The following NDUFA5 variants were observed in gnomAD, a reference collection of about 807,000 sequenced individuals.
NDUFA5 encodes the protein NADH dehydrogenase [ubiquinone] 1 alpha subcomplex subunit 5.
Under a neutral mutation model 19.8 loss-of-function variants are expected in NDUFA5, and 11 were observed. That is an observed-to-expected ratio of 0.56 (90% CI 0.35 to 0.92). The LOEUF (loss-of-function observed/expected upper bound fraction) is 0.92. Among genes scored for constraint, NDUFA5 ranks in the 40% least tolerant of loss-of-function variants. The probability of loss-of-function intolerance (pLI) is 0.01; values close to 1 mark genes in which losing one functional copy is unlikely to be tolerated. For synonymous variants in NDUFA5, 47 were observed against 46.8 expected (o/e 1.00, Z -0.01); for missense variants, 109 against 134.2 (o/e 0.81, Z 0.93).
chr7:123,542,214 G>C lies in NDUFA5; in HGVS notation c.256C>G (p.His86Asp), dbSNP rs1173678892. The change falls in exon 5 of 5, where the codon CAT (histidine) becomes GAT (aspartate). Residue 86 changes from histidine (H) to aspartate (D), a missense_variant. Physicochemically the swap from His to Asp is moderately conservative, Grantham distance 81 (BLOSUM62 -1). Coordinates refer to ENST00000355749, the MANE Select transcript of NDUFA5 (RefSeq NM_005000.5). ...ATTTTTCTTGCCAGATTTAGTTCAT[G>C]TTCAGCCTGTTAATACAAATTTTTT... ...QLEEVILQAE[H>D]ELNLARKMRE... is the part of the protein sequence containing the mutation. The C allele has an allele frequency of 1.2e-6, 2 of 1,608,506 alleles. No homozygotes were observed. The highest frequency in any genetic ancestry group is 1.7e-6 in the Non-Finnish European group (2 of 1,177,642).
At chr7:123,564,892 GAC>G in the NDUFA5 span, among the ~76,000 whole-genome samples, 14,170 of 147,596 alleles carry the variant, frequency 0.096, 712 homozygotes, top group Middle Eastern at 0.13. Flanking sequence ...GAAGCATCTG[GAC>G]ACACACACAC....
chr7:123,590,287 T>C, the NDUFA5 span, among the ~76,000 whole-genome samples: 1 of 152,202 alleles, frequency 6.6e-6, no homozygotes, highest in South Asian at 2.1e-4. Context: ...TTCACTCTGA[T>C]GATAGTTTAT....
the NDUFA5 span, among the ~76,000 whole-genome samples, chr7:123,566,014 G>A: frequency 3.1e-4 from 45 of 147,298 alleles, no homozygotes; most frequent in Admixed American, 1.7e-3. Flanking sequence ...GTGAGACTCC[G>A]TCTAAAAAAA....
chr7:123,552,318 G>A (rs1308996800), intron 2 of NDUFA5, among the ~76,000 whole-genome samples: 1 of 152,078 alleles, frequency 6.6e-6, no homozygotes, highest in Non-Finnish European at 1.5e-5. Context: ...AAAAAAGGAT[G>A]AGCTCATATC....
At chr7:123,588,037 T>C in the NDUFA5 span, among the ~76,000 whole-genome samples, 2 of 151,884 alleles carry the variant, frequency 1.3e-5, no homozygotes, top group African/African-American at 2.4e-5. Flanking sequence ...ATCAGGATAA[T>C]GCTGGCCTTA....
chr7:123,557,549 T>C, intron 1 of NDUFA5, 101 bp from the exon 2 acceptor site: 2 of 1,611,300 alleles, frequency 1.2e-6, no homozygotes, highest in South Asian at 2.2e-5. Context: ...CTAAAACTGG[T>C]CTAAAGCCAG....
At chr7:123,572,059 T>C in the NDUFA5 span, among the ~76,000 whole-genome samples, 1 of 151,378 alleles carries the variant, frequency 6.6e-6, no homozygotes, top group South Asian at 2.1e-4. Flanking sequence ...AAGCACTGGG[T>C]TTACAGGTGT....
At chr7:123,560,423 T>C (rs1433177805), upstream of NDUFA5, among the ~76,000 whole-genome samples, 1 of 152,242 alleles carries the variant, frequency 6.6e-6, no homozygotes, top group East Asian at 1.9e-4. Flanking sequence ...TAATCTTTTA[T>C]ATAGGATTAT....
chr7:123,559,807 G>A (rs1222226909), upstream of NDUFA5, among the ~76,000 whole-genome samples: 1 of 143,068 alleles, frequency 7.0e-6, no homozygotes, highest in East Asian at 2.1e-4. Flanking sequence ...AGTGAGCCAA[G>A]ATTGGGCCAT....
At position 123,537,232 on chromosome 7, in the gene NDUFA5, G is replaced by A. The variant is rs1797779392; in HGVS notation, c.*4887C>T. On this transcript the variant is annotated 3_prime_UTR_variant, in exon 5 of 5. Coordinates refer to ENST00000355749, the MANE Select transcript of NDUFA5 (RefSeq NM_005000.5). ...ATGTAATAAACATTTCTTTTGATGT[G>A]CTTTTATTTTTACAAAGATGCCACC... 6.6e-6 allele frequency: 1 copy of A among 151,912 alleles called. No individual in the cohort carries two copies. The highest frequency in any genetic ancestry group is 2.4e-5 in the African/African-American group (1 of 41,342). The allele number at this position is 151,912 out of a possible 1,614,324, so 9.4% of individuals were successfully genotyped here.
intron 2 of NDUFA5, chr7:123,556,177 G>C (rs1266863583): frequency 6.6e-6 from 1 of 152,208 alleles, no homozygotes; most frequent in African/African-American, 2.4e-5. Flanking sequence ...TAATTGAGCT[G>C]CCATTAATTG....
At chr7:123,592,811 G>C in the NDUFA5 span, among the ~76,000 whole-genome samples, 11,058 of 151,128 alleles carry the variant, frequency 0.073, 456 homozygotes, top group African/African-American at 0.096. Flanking sequence ...CTGAATTCAA[G>C]TCCTGGATAT....
the NDUFA5 span, chr7:123,598,881 C>T: frequency 6.6e-6 from 1 of 152,142 alleles, no homozygotes; most frequent in African/African-American, 2.4e-5. Context: ...GACATCAGTG[C>T]TGTTGGAGGA....
the NDUFA5 span, among the ~76,000 whole-genome samples, chr7:123,595,294 T>C: frequency 6.6e-5 from 10 of 152,322 alleles, no homozygotes; most frequent in South Asian, 1.4e-3. Context: ...CCCTTGATGA[T>C]CTTCACTTTC....
intron 3 of NDUFA5, among the ~76,000 whole-genome samples, chr7:123,547,770 A>T (rs1798188584): frequency 6.6e-6 from 1 of 152,200 alleles, no homozygotes; most frequent in Non-Finnish European, 1.5e-5. Context: ...TGAACAGTTC[A>T]AAATTTGTCT....
chr7:123,599,286 AT>A, the NDUFA5 span, among the ~76,000 whole-genome samples: 1 of 152,238 alleles, frequency 6.6e-6, no homozygotes, highest in African/African-American at 2.4e-5. Flanking sequence ...CAAACAAAAA[AT>A]AATAGGATAA....
intron 2 of NDUFA5, among the ~76,000 whole-genome samples, chr7:123,553,049 CCAGA>C (rs1337116670): frequency 1.3e-5 from 2 of 152,182 alleles, no homozygotes; most frequent in Non-Finnish European, 2.9e-5. Flanking sequence ...AACACCAGCC[CCAGA>C]CAGTCGCTAC....
At chr7:123,562,138 C>T (rs985832628), upstream of NDUFA5, among the ~76,000 whole-genome samples, 2 of 152,120 alleles carry the variant, frequency 1.3e-5, no homozygotes, top group Non-Finnish European at 2.9e-5. Flanking sequence ...TCTTCATCCT[C>T]AGGGCTCTTG....
At chr7:123,601,314 A>G in the NDUFA5 span, among the ~76,000 whole-genome samples, 1 of 152,200 alleles carries the variant, frequency 6.6e-6, no homozygotes, top group South Asian at 2.1e-4. Flanking sequence ...TGACCTAAAA[A>G]TTCTTGATCA....
Sources: allele counts gnomAD v4.1 joint callset (sites outside exome capture counted in the v4.1 genomes callset), GRCh38; gene constraint gnomAD v4.1.1; transcripts MANE v1.5; gene names NCBI Gene and HGNC (gene_info 2026-07-23, HGNC 2026-07-21).